The following COMMD1 variants were observed in gnomAD, a reference collection of about 807,000 sequenced individuals.
COMMD1 encodes the protein copper metabolism domain containing 1.
In COMMD1, 10 loss-of-function variants were observed where a neutral mutation model predicts 17.2. The ratio of observed to expected loss-of-function variants is 0.58; its 90% CI spans 0.36 to 0.99. The LOEUF (loss-of-function observed/expected upper bound fraction) is 0.99, where lower values mean the gene tolerates loss of function less well. COMMD1 is among the 50% of genes least tolerant of loss of function. The pLI, the probability that COMMD1 is intolerant of heterozygous loss-of-function variation, is 0.01. For missense variants in COMMD1, 270 were observed against 231.8 expected (o/e 1.17, Z -1.07); for synonymous variants, 97 against 91.6 (o/e 1.06, Z -0.34).
chr2:62,027,449 A>T (rs1669789886), intron 2 of COMMD1, among the ~76,000 whole-genome samples: 1 of 152,166 alleles, frequency 6.6e-6, no homozygotes. Context: ...TTTCATTCAT[A>T]ATTTTTTTGT....
At chr2:61,922,005 A>G (rs1360201671) in intron 1 of COMMD1, among the ~76,000 whole-genome samples, 1 of 152,164 alleles carries the variant, frequency 6.6e-6, no homozygotes, top group African/African-American at 2.4e-5. Context: ...AATATTTTGG[A>G]TTTGAATATA....
intron 2 of COMMD1, among the ~76,000 whole-genome samples, chr2:62,062,280 G>GC (rs1670882878): frequency 6.6e-6 from 1 of 151,266 alleles, no homozygotes; most frequent in African/African-American, 2.4e-5. Flanking sequence ...AGGCTGGAGT[G>GC]CAGTGGCATG....
intron 1 of COMMD1, among the ~76,000 whole-genome samples, chr2:61,910,306 G>A (rs531929869): frequency 1.1e-4 from 16 of 151,306 alleles, no homozygotes; most frequent in Non-Finnish European, 1.8e-4. Context: ...GCTGGAGTGC[G>A]GTGGCTCGAT....
intron 2 of COMMD1, among the ~76,000 whole-genome samples, chr2:62,051,986 T>A (rs1254032796): frequency 6.6e-6 from 1 of 152,176 alleles, no homozygotes; most frequent in Non-Finnish European, 1.5e-5. Context: ...AAGTTCCTCA[T>A]CTCCTTTCTC....
At chr2:61,955,232 TA>T (rs1268000862) in intron 1 of COMMD1, among the ~76,000 whole-genome samples, 3 of 151,502 alleles carry the variant, frequency 2.0e-5, no homozygotes, top group Non-Finnish European at 4.4e-5. Flanking sequence ...CTCATGTCTG[TA>T]ATCCCAGCAC....
At chr2:61,990,901 T>TACACACACACACACAC in intron 1 of COMMD1, among the ~76,000 whole-genome samples, 2 of 42,740 alleles carry the variant, frequency 4.7e-5, no homozygotes, top group South Asian at 2.0e-3. Context: ...AATATATATA[T>TACACACACACACACAC]ATACACACAC....
intron 2 of COMMD1, among the ~76,000 whole-genome samples, chr2:62,058,700 C>G (rs1381115580): frequency 6.6e-6 from 1 of 151,912 alleles, no homozygotes; most frequent in Non-Finnish European, 1.5e-5. Context: ...TATCGTGCTA[C>G]TACACTCAGC....
intron 2 of COMMD1, among the ~76,000 whole-genome samples, chr2:62,078,801 C>T (rs1206752838): frequency 1.3e-5 from 2 of 151,234 alleles, no homozygotes; most frequent in East Asian, 1.9e-4. Context: ...GGCGTGAACC[C>T]GGGAGGCGGA....
chr2:62,090,150 T>TG (rs1671787088), intron 2 of COMMD1, among the ~76,000 whole-genome samples: 1 of 149,920 alleles, frequency 6.7e-6, no homozygotes, highest in African/African-American at 2.5e-5. Context: ...GTTCTTTAAT[T>TG]GTGCCTTTTC....
rs188090992 is a variant in COMMD1, at chr2:62,000,392, C to G, written c.181-309C>G. 2.3e-3 allele frequency among the ~76,000 whole-genome samples: 344 copies of G among 151,930 alleles called. 1 individual carries two copies. Among genetic ancestry groups the G allele is most frequent in the South Asian group, 3.7e-3 (18 of 4,808 alleles). On this transcript the variant is annotated intron_variant, in intron 1 of 2. Transcript: ENST00000311832. ...GTTGAAGCGATTCTTGTGTCTCAGCCTCCTGAGTAGCTGAGATTACTGAGA... is the reference window on the plus strand; with the variant it reads ...GTTGAAGCGATTCTTGTGTCTCAGCGTCCTGAGTAGCTGAGATTACTGAGA...
At chr2:61,897,195 G>A (rs945836787) in intron 1 of COMMD1, among the ~76,000 whole-genome samples, 5 of 152,066 alleles carry the variant, frequency 3.3e-5, no homozygotes, top group African/African-American at 1.2e-4. Context: ...AAAAAACCTT[G>A]TTAAATGAAT....
chr2:62,079,357 A>T (rs1025438140), intron 2 of COMMD1, among the ~76,000 whole-genome samples: 6 of 152,212 alleles, frequency 3.9e-5, no homozygotes, highest in African/African-American at 1.4e-4. Flanking sequence ...TTCGTTCTTA[A>T]TTACTGTATT....
intron 2 of COMMD1, among the ~76,000 whole-genome samples, chr2:62,063,140 C>G (rs1464085082): frequency 6.6e-6 from 1 of 152,082 alleles, no homozygotes; most frequent in Non-Finnish European, 1.5e-5. Context: ...TCGCTTGAAC[C>G]CAGGAGGCGG....
chr2:61,972,394 G>A (rs1671673705), intron 1 of COMMD1, among the ~76,000 whole-genome samples: 1 of 152,142 alleles, frequency 6.6e-6, no homozygotes, highest in African/African-American at 2.4e-5. Flanking sequence ...AATAATTTAT[G>A]TAGATACTTT....
chr2:62,029,089 C>G (rs1167122378), intron 2 of COMMD1, among the ~76,000 whole-genome samples: 2 of 152,100 alleles, frequency 1.3e-5, no homozygotes, highest in Non-Finnish European at 2.9e-5. Flanking sequence ...ATAGAAGATT[C>G]ATATATATGA....
At chr2:62,105,141 AAAAG>A (rs1386853625) in intron 2 of COMMD1, among the ~76,000 whole-genome samples, 4 of 151,618 alleles carry the variant, frequency 2.6e-5, no homozygotes. Flanking sequence ...AAAAAAAAGA[AAAAG>A]AAAAAAAAGA....
At chr2:62,033,567 G>A (rs1199898439) in intron 2 of COMMD1, among the ~76,000 whole-genome samples, 1 of 151,798 alleles carries the variant, frequency 6.6e-6, no homozygotes, top group Non-Finnish European at 1.5e-5. Flanking sequence ...AACACAGCAA[G>A]ACCCCCATCT....
chr2:62,082,020 A>T (rs1191319084), intron 2 of COMMD1, among the ~76,000 whole-genome samples: 2 of 152,174 alleles, frequency 1.3e-5, no homozygotes, highest in Non-Finnish European at 2.9e-5. Flanking sequence ...GTAGTTAGAA[A>T]ATGTCATTGA....
intron 2 of COMMD1, among the ~76,000 whole-genome samples, chr2:62,057,736 A>AT (rs879487759): frequency 4.3e-4 from 62 of 145,822 alleles, no homozygotes; most frequent in African/African-American, 5.7e-4. Context: ...TACCTGGCTA[A>AT]TTTTTTTTTT....
Sources: allele counts gnomAD v4.1 joint callset (sites outside exome capture counted in the v4.1 genomes callset), GRCh38; gene constraint gnomAD v4.1.1; transcripts MANE v1.5; gene names NCBI Gene and HGNC (gene_info 2026-07-23, HGNC 2026-07-21).